MAGI2: variants seen among roughly 807,000 people sequenced by gnomAD.
The protein encoded by MAGI2 is membrane associated guanylate kinase, WW and PDZ domain containing 2.
Under a neutral mutation model 133.3 loss-of-function variants are expected in MAGI2, and 35 were observed. The ratio of observed to expected loss-of-function variants is 0.26; its 90% CI spans 0.20 to 0.35. The LOEUF (loss-of-function observed/expected upper bound fraction) is 0.35, where lower values mean the gene tolerates loss of function less well. Among genes scored for constraint, MAGI2 ranks in the 10% least tolerant of loss-of-function variants. MAGI2 has a pLI of 1.00. For synonymous variants in MAGI2, 729 were observed against 710.6 expected, an observed-to-expected ratio of 1.03 and a Z score of -0.41; for missense variants, 1,636 against 1,863.4, an observed-to-expected ratio of 0.88 and a Z score of 2.25.
chr7:79,447,023 C>T (rs1554487545), intron 1 of MAGI2, among the ~76,000 whole-genome samples: 1 of 152,118 alleles, frequency 6.6e-6, no homozygotes, highest in Non-Finnish European at 1.5e-5. Flanking sequence ...TATTCAATAA[C>T]TTATCAAAGA....
chr7:78,561,088 C>T (rs923974693), intron 3 of MAGI2, among the ~76,000 whole-genome samples: 3 of 151,914 alleles, frequency 2.0e-5, no homozygotes, highest in African/African-American at 4.8e-5. Flanking sequence ...AGCAGTGATA[C>T]GCATAAAATC....
At chr7:78,424,252 C>G (rs1404793263) in intron 6 of MAGI2, among the ~76,000 whole-genome samples, 3 of 152,202 alleles carry the variant, frequency 2.0e-5, no homozygotes, top group Non-Finnish European at 4.4e-5. Context: ...AGGATGGAAG[C>G]CCCAAACCTT....
chr7:79,085,249 A>G (rs1004884564), intron 1 of MAGI2, among the ~76,000 whole-genome samples: 1 of 151,796 alleles, frequency 6.6e-6, no homozygotes, highest in Non-Finnish European at 1.5e-5. Context: ...GCTAGTTCAA[A>G]TCTGCTACTG....
At chr7:78,658,216 T>C (rs1000434014) in intron 2 of MAGI2, among the ~76,000 whole-genome samples, 2 of 152,082 alleles carry the variant, frequency 1.3e-5, no homozygotes, top group Middle Eastern at 6.4e-3. Context: ...GCAAACACAA[T>C]TAAATGAAAG....
At chr7:78,630,501 C>A (rs1231829741) in intron 2 of MAGI2, among the ~76,000 whole-genome samples, 2 of 139,806 alleles carry the variant, frequency 1.4e-5, no homozygotes, top group East Asian at 4.6e-4. Context: ...ACTGCAACTT[C>A]TGCCTCCAGG....
intron 1 of MAGI2, among the ~76,000 whole-genome samples, chr7:79,264,328 T>G (rs1303381935): frequency 6.6e-6 from 1 of 152,196 alleles, no homozygotes; most frequent in Non-Finnish European, 1.5e-5. Context: ...GTCAGTTTAA[T>G]TCAGTCAACA....
chr7:79,125,207 T>C (rs1820298939), intron 1 of MAGI2: 1 of 378,594 alleles, frequency 2.6e-6, no homozygotes, highest in Admixed American at 3.0e-5. Flanking sequence ...GGTGATTCTG[T>C]GGATAAGACT....
At chr7:78,558,074 C>T (rs1800013271) in intron 3 of MAGI2, among the ~76,000 whole-genome samples, 3 of 151,874 alleles carry the variant, frequency 2.0e-5, no homozygotes. Flanking sequence ...ATTTTCTCCT[C>T]TAAGATCATG....
At chr7:78,097,152 A>C (rs1018435984) in intron 20 of MAGI2, among the ~76,000 whole-genome samples, 1 of 152,260 alleles carries the variant, frequency 6.6e-6, no homozygotes, top group Non-Finnish European at 1.5e-5. Flanking sequence ...ATTACTAAAA[A>C]GTCAAAAGCC....
intron 1 of MAGI2, among the ~76,000 whole-genome samples, chr7:79,339,448 G>GTT (rs1388021742): frequency 4.5e-5 from 6 of 132,800 alleles, no homozygotes; most frequent in Non-Finnish European, 1.6e-5. Context: ...TTACAGGTTT[G>GTT]TTTGTTTTTG....
chr7:78,252,985 G>C (rs1214753658), intron 10 of MAGI2: 2 of 148,436 alleles, frequency 1.3e-5, no homozygotes, highest in Non-Finnish European at 3.0e-5. Flanking sequence ...TGGAAACCTT[G>C]TACAACAGCC....
At chr7:79,036,495 A>G (rs895209860) in intron 1 of MAGI2, among the ~76,000 whole-genome samples, 5 of 152,188 alleles carry the variant, frequency 3.3e-5, no homozygotes, top group Admixed American at 6.5e-5. Flanking sequence ...CAAGGAATTC[A>G]AGTTGGCTGT....
At chr7:78,355,169 A>G (rs1236367176) in intron 7 of MAGI2, among the ~76,000 whole-genome samples, 2 of 152,152 alleles carry the variant, frequency 1.3e-5, no homozygotes, top group African/African-American at 2.4e-5. Context: ...TGGGGGATGT[A>G]TTTTCAAATA....
chr7:78,501,511 T>C, intron 5 of MAGI2, 66 bp downstream of exon 5: 1 of 1,225,050 alleles, frequency 8.2e-7, no homozygotes, highest in Non-Finnish European at 1.2e-6. Flanking sequence ...CACGTCTAAC[T>C]TGCTACATCA....
chr7:78,536,426 A>T lies in MAGI2; in HGVS notation c.539-14781T>A, dbSNP rs74494862. ...CGCGCCCGGCCGAATTAAACTCTTT[A>T]TGGTGATTCCCCTGTCTTGATAAGT... is the stretch of plus-strand genomic sequence containing the variant. On this transcript the variant is annotated intron_variant, in intron 3 of 21. Transcript: ENST00000354212. Among the ~76,000 whole-genome samples, 321 of 152,160 alleles carry T rather than the reference A, an allele frequency of 2.1e-3. 1 individual carries two copies. The highest frequency in any genetic ancestry group is 7.2e-3 in the African/African-American group (298 of 41,544).
intron 1 of MAGI2, among the ~76,000 whole-genome samples, chr7:79,204,297 G>A (rs1248118054): frequency 6.6e-6 from 1 of 151,624 alleles, no homozygotes; most frequent in African/African-American, 2.4e-5. Context: ...CCTGCACCAT[G>A]GGTCAGTGGA....
At chr7:79,130,282 C>G (rs1289942899) in intron 1 of MAGI2, among the ~76,000 whole-genome samples, 2 of 152,018 alleles carry the variant, frequency 1.3e-5, no homozygotes, top group Admixed American at 6.6e-5. Flanking sequence ...ATTGTATAGT[C>G]TAGCCTGAGT....
intron 3 of MAGI2, among the ~76,000 whole-genome samples, chr7:78,623,689 T>A (rs373506406): frequency 2.0e-5 from 3 of 152,156 alleles, no homozygotes; most frequent in South Asian, 4.1e-4. Context: ...GCCTTATAAA[T>A]GCTAATGGAA....
chr7:78,463,101 G>A (rs1790235415), intron 6 of MAGI2, among the ~76,000 whole-genome samples: 2 of 152,192 alleles, frequency 1.3e-5, no homozygotes, highest in Admixed American at 6.5e-5. Flanking sequence ...GAAAAAGGAT[G>A]GTTCTTGATG....
Sources: allele counts gnomAD v4.1 joint callset (sites outside exome capture counted in the v4.1 genomes callset), GRCh38; gene constraint gnomAD v4.1.1; transcripts MANE v1.5; gene names NCBI Gene and HGNC (gene_info 2026-07-23, HGNC 2026-07-21).